DACH1: variants seen among roughly 807,000 people sequenced by gnomAD.
DACH1 encodes the protein dachshund family transcription factor 1, also known as dachshund homolog 1.
A neutral mutation model predicts 54.2 loss-of-function variants in DACH1; 12 were observed. The observed-to-expected ratio is 0.22, with a 90% CI of 0.14 to 0.36. The LOEUF is 0.36. Ranked by LOEUF, DACH1 falls within the 10% of genes least tolerant of loss-of-function variation. The pLI is 1.00. For missense variants in DACH1, 805 were observed against 929.8 expected (o/e 0.87, Z 1.75); for synonymous variants, 386 against 366.2 (o/e 1.05, Z -0.62).
chr13:71,712,796 C>T (rs1281179087), intron 1 of DACH1, among the ~76,000 whole-genome samples: 3 of 151,858 alleles, frequency 2.0e-5, no homozygotes. Flanking sequence ...AAACTATTTC[C>T]TTTACCCCCC....
intron 1 of DACH1, among the ~76,000 whole-genome samples, chr13:71,735,188 C>T (rs1306798613): frequency 2.8e-5 from 2 of 72,152 alleles, no homozygotes; most frequent in Non-Finnish European, 6.7e-5. Flanking sequence ...ATGGGATATA[C>T]GTATGTATAT....
intron 1 of DACH1, among the ~76,000 whole-genome samples, chr13:71,772,060 A>G (rs1885879717): frequency 6.6e-6 from 1 of 151,618 alleles, no homozygotes. Flanking sequence ...TGAACTGTAC[A>G]TGTATTATTC....
At chr13:71,829,988 T>A (rs73215274) in intron 1 of DACH1, among the ~76,000 whole-genome samples, 1,580 of 151,938 alleles carry the variant, frequency 0.01, 14 homozygotes, top group Middle Eastern at 0.061. Flanking sequence ...ATGCTTTACC[T>A]AGGGAGAGTG....
chr13:71,544,941 G>A (rs935040714), intron 6 of DACH1, among the ~76,000 whole-genome samples: 1 of 151,978 alleles, frequency 6.6e-6, no homozygotes, highest in Non-Finnish European at 1.5e-5. Flanking sequence ...GAATGTGACA[G>A]CCTGGCTTCT....
rs776853380 is a variant in DACH1, at chr13:71,854,075, A to AG, written c.848+11846dup. ...TTATTTAACCCACTCTCCAAAAAAAAGAGAGCAAAAAAGTTTACTCCAGAT... is the reference window on the plus strand; with the variant it reads ...TTATTTAACCCACTCTCCAAAAAAAAGGAGAGCAAAAAAGTTTACTCCAGAT... On this transcript the variant is annotated intron_variant, in intron 1 of 10. Transcript: ENST00000613252. Among the ~76,000 whole-genome samples, 149 of 152,304 alleles carry AG rather than the reference A, an allele frequency of 9.8e-4. 1 individual carries two copies. The highest frequency in any genetic ancestry group is 1.4e-3 in the Non-Finnish European group (98 of 68,014).
chr13:71,779,381 C>G (rs1886271477), intron 1 of DACH1, among the ~76,000 whole-genome samples: 1 of 150,696 alleles, frequency 6.6e-6, no homozygotes, highest in African/African-American at 2.4e-5. Flanking sequence ...TAGAACAAAA[C>G]TTAACTTCAT....
chr13:71,476,155 A>G (rs1877503008), intron 8 of DACH1, among the ~76,000 whole-genome samples: 1 of 152,190 alleles, frequency 6.6e-6, no homozygotes, highest in South Asian at 2.1e-4. Context: ...CTGATAAAGG[A>G]AGCTTGATTA....
chr13:71,824,451 A>G (rs2138190652), intron 1 of DACH1, among the ~76,000 whole-genome samples: 1 of 152,170 alleles, frequency 6.6e-6, no homozygotes, highest in South Asian at 2.1e-4. Context: ...CATGATAAGT[A>G]AGAAAAAGAA....
chr13:71,719,542 G>A (rs1161641084), intron 1 of DACH1, among the ~76,000 whole-genome samples: 1 of 152,124 alleles, frequency 6.6e-6, no homozygotes, highest in East Asian at 1.9e-4. Flanking sequence ...CTCACTATCT[G>A]TGTGTATTAT....
chr13:71,546,175 C>A (rs544208874), intron 6 of DACH1, among the ~76,000 whole-genome samples: 2 of 152,084 alleles, frequency 1.3e-5, no homozygotes, highest in East Asian at 3.9e-4. Flanking sequence ...TTTAAATCAT[C>A]CTATCAACTG....
intron 2 of DACH1, among the ~76,000 whole-genome samples, chr13:71,640,225 T>C (rs78538591): frequency 0.018 from 2,715 of 152,104 alleles, 69 homozygotes; most frequent in African/African-American, 0.057. Flanking sequence ...AGCTTATGGA[T>C]TGTATAGAAA....
chr13:71,770,012 A>C (rs1885788794), intron 1 of DACH1, among the ~76,000 whole-genome samples: 1 of 146,418 alleles, frequency 6.8e-6, no homozygotes, highest in Admixed American at 6.7e-5. Flanking sequence ...ATAACTTACA[A>C]ATGTCCTTCA....
chr13:71,454,385 C>A (rs1875362371), intron 10 of DACH1, among the ~76,000 whole-genome samples: 1 of 152,136 alleles, frequency 6.6e-6, no homozygotes, highest in South Asian at 2.1e-4. Context: ...ACAATTACAG[C>A]CATACATGAT....
At chr13:71,627,671 C>T (rs959061448) in intron 3 of DACH1, among the ~76,000 whole-genome samples, 9 of 152,062 alleles carry the variant, frequency 5.9e-5, no homozygotes, top group Non-Finnish European at 5.9e-5. Flanking sequence ...GTTATGACTG[C>T]CTGCTTACCT....
At chr13:71,458,478 T>C (rs942467568) in intron 10 of DACH1, among the ~76,000 whole-genome samples, 4 of 151,924 alleles carry the variant, frequency 2.6e-5, no homozygotes, top group Admixed American at 6.6e-5. Context: ...CTTTATTAAA[T>C]GAGAATTCTA....
chr13:71,490,675 A>C (rs1324952239), intron 6 of DACH1, among the ~76,000 whole-genome samples: 2 of 152,200 alleles, frequency 1.3e-5, no homozygotes, highest in East Asian at 3.9e-4. Context: ...CTGCATGGCT[A>C]ATGTGAGCAA....
chr13:71,739,657 CT>C (rs1387565146), intron 1 of DACH1, among the ~76,000 whole-genome samples: 1 of 152,162 alleles, frequency 6.6e-6, no homozygotes, highest in East Asian at 1.9e-4. Flanking sequence ...CAAGACAGCT[CT>C]AGAAATAGAG....
chr13:71,517,850 C>T (rs1213461553), intron 6 of DACH1, among the ~76,000 whole-genome samples: 1 of 151,794 alleles, frequency 6.6e-6, no homozygotes, highest in Non-Finnish European at 1.5e-5. Context: ...CTTTATTTTC[C>T]TATACCAAAT....
chr13:71,742,269 C>G (rs576796899), intron 1 of DACH1, among the ~76,000 whole-genome samples: 2 of 152,252 alleles, frequency 1.3e-5, no homozygotes, highest in East Asian at 3.9e-4. Context: ...CAACAGCATG[C>G]AAACAGACTA....
Sources: gnomAD v4.1 joint callset for allele counts (sites outside exome capture counted in the v4.1 genomes callset) on GRCh38, gnomAD v4.1.1 for gene constraint, MANE v1.5 for transcripts, NCBI Gene and HGNC (gene_info 2026-07-23, HGNC 2026-07-21) for gene names.